MARK2: variants seen among roughly 807,000 people sequenced by gnomAD.
MARK2 encodes the protein microtubule affinity regulating kinase 2.
Under a neutral mutation model 89.8 loss-of-function variants are expected in MARK2, and 16 were observed. The observed-to-expected ratio is 0.18, with a 90% CI of 0.12 to 0.27. The LOEUF is 0.27. MARK2 is among the 10% of genes least tolerant of loss of function. The pLI, the probability that MARK2 is intolerant of heterozygous loss-of-function variation, is 1.00. For missense variants in MARK2, 621 were observed against 1,049.9 expected, an observed-to-expected ratio of 0.59 and a Z score of 5.65; for synonymous variants, 382 against 399.5, an observed-to-expected ratio of 0.96 and a Z score of 0.52.
At position 63,910,105 on chromosome 11, in the gene MARK2, C is replaced by T. The variant is rs929813949; in HGVS notation, c.*868C>T. On this transcript the variant is annotated 3_prime_UTR_variant, in exon 19 of 19. Transcript: ENST00000402010. ...AGAGGGGAGGGGACTGGAGGGCAGA[C>T]TGGCTTCTCGGTCCCCAGGGGGCCG... 5 of 152,370 alleles carry T rather than the reference C, an allele frequency of 3.3e-5. No homozygotes were observed. Among genetic ancestry groups the T allele is most frequent in the African/African-American group, 1.2e-4 (5 of 41,454 alleles). 9.4% of individuals were successfully genotyped at this position (152,370 alleles called of 1,614,324 possible).
chr11:63,881,077 G>A (rs1274951739), intron 1 of MARK2, among the ~76,000 whole-genome samples: 1 of 152,094 alleles, frequency 6.6e-6, no homozygotes, highest in Non-Finnish European at 1.5e-5. Context: ...GCCAAGGCAG[G>A]CAGATCACCT....
At chr11:63,890,264 A>G (rs764278184) in intron 1 of MARK2, 1 of 1,345,392 alleles carries the variant, frequency 7.4e-7, no homozygotes, top group South Asian at 1.2e-5. Flanking sequence ...GCTGTGGGAA[A>G]CATCTTACAG....
chr11:63,864,878 C>T (rs1163999004), intron 1 of MARK2, among the ~76,000 whole-genome samples: 1 of 151,970 alleles, frequency 6.6e-6, no homozygotes, highest in Non-Finnish European at 1.5e-5. Flanking sequence ...TTTACTTATC[C>T]AAAAGCACAA....
rs756336726 is a variant in MARK2, at chr11:63,899,749, G to C, written c.532-125G>C. Reference sequence around the variant, plus strand: ...CTGATTGAAGCCCTGCCCTGAAATTGGTGGAGAAAGTTCTGAGACTGAAGA... The same window carrying C: ...CTGATTGAAGCCCTGCCCTGAAATTCGTGGAGAAAGTTCTGAGACTGAAGA... On this transcript the variant is annotated intron_variant, in intron 7 of 18. Transcript: ENST00000402010. 22 of 719,838 alleles carry C rather than the reference G, an allele frequency of 3.1e-5. 1 individual carries two copies. The highest frequency in any genetic ancestry group is 5.0e-5 in the Non-Finnish European group (20 of 402,164). The allele number at this position is 719,838 out of a possible 1,614,324, so 44.6% of individuals were successfully genotyped here. A position where few individuals can be genotyped will look rare whatever the true frequency, so the allele number is the denominator to read the frequency against.
intron 1 of MARK2, among the ~76,000 whole-genome samples, chr11:63,865,586 T>C (rs1436920657): frequency 2.0e-5 from 3 of 152,208 alleles, no homozygotes; most frequent in Non-Finnish European, 4.4e-5. Flanking sequence ...TGGCAGTGCT[T>C]TCCTTGCTAA....
At chr11:63,905,350 C>T (rs1475397550) in intron 16 of MARK2, among the ~76,000 whole-genome samples, 1 of 152,202 alleles carries the variant, frequency 6.6e-6, no homozygotes, top group Non-Finnish European at 1.5e-5. Flanking sequence ...AAAAGCCCCC[C>T]CTTCTCTCCT....
At chr11:63,839,647 C>G in intron 1 of MARK2, 87 bp downstream of exon 1, 2 of 849,076 alleles carry the variant, frequency 2.4e-6, no homozygotes, top group Non-Finnish European at 1.9e-6. Context: ...CTCCTCGTGC[C>G]CCTGCTGCCA....
At chr11:63,841,309 GT>G in intron 1 of MARK2, among the ~76,000 whole-genome samples, 1 of 152,320 alleles carries the variant, frequency 6.6e-6, no homozygotes, top group East Asian at 1.9e-4. Flanking sequence ...TCTAGGCAGA[GT>G]TTTTCTCTGC....
chr11:63,845,206 T>C (rs2016219344), intron 1 of MARK2, among the ~76,000 whole-genome samples: 1 of 152,178 alleles, frequency 6.6e-6, no homozygotes, highest in South Asian at 2.1e-4. Context: ...TCTGCTTGGT[T>C]AAGCTGTGGA....
intron 1 of MARK2, among the ~76,000 whole-genome samples, chr11:63,845,619 T>C (rs2016239756): frequency 6.6e-6 from 1 of 152,226 alleles, no homozygotes; most frequent in Non-Finnish European, 1.5e-5. Flanking sequence ...TTCCCACTGC[T>C]GGAGAGCCAG....
At chr11:63,867,938 T>C (rs1047772315) in intron 1 of MARK2, among the ~76,000 whole-genome samples, 2 of 152,206 alleles carry the variant, frequency 1.3e-5, no homozygotes, top group Non-Finnish European at 2.9e-5. Context: ...CACACTGGAT[T>C]GTGTGATTTG....
rs1938793429 is a variant in MARK2 at position 63,876,922 on chromosome 11, C to T, written c.55-18237C>T. On this transcript the variant is annotated intron_variant, in intron 1 of 18. Transcript: ENST00000402010. ...CTTCGACCAGTGCACGAGCTAATCT[C>T]ACTGAAGAGTGCCATTCCCAGGTTC... 2.0e-5 allele frequency among the ~76,000 whole-genome samples: 3 copies of T among 152,060 alleles called. No homozygotes were observed. The South Asian group carries it at 6.2e-4, about 31-fold the overall frequency.
chr11:63,865,578 G>T (rs1027359447), intron 1 of MARK2, among the ~76,000 whole-genome samples: 1 of 152,196 alleles, frequency 6.6e-6, no homozygotes, highest in Non-Finnish European at 1.5e-5. Flanking sequence ...GGAGAGTGTG[G>T]CAGTGCTTTC....
intron 1 of MARK2, among the ~76,000 whole-genome samples, chr11:63,889,784 T>C (rs1939685898): frequency 6.6e-6 from 1 of 152,248 alleles, no homozygotes; most frequent in Admixed American, 6.5e-5. Context: ...TGACCCCTTA[T>C]TCTTTCTAAA....
chr11:63,866,652 C>A (rs1313283979), intron 1 of MARK2, among the ~76,000 whole-genome samples: 1 of 152,222 alleles, frequency 6.6e-6, no homozygotes, highest in Non-Finnish European at 1.5e-5. Flanking sequence ...AATCCACTAT[C>A]TACTGTACAG....
In MARK2 at chr11:63,909,462, C is replaced by T; in HGVS notation, c.*225C>T. 1 of 449,320 alleles carries T rather than the reference C, an allele frequency of 2.2e-6. No individual in the cohort carries two copies. Among genetic ancestry groups the T allele is most frequent in the Non-Finnish European group, 3.9e-6 (1 of 256,978 alleles). 27.8% of individuals were successfully genotyped at this position (449,320 alleles called of 1,614,324 possible). A position where few individuals can be genotyped will look rare whatever the true frequency, so the allele number is the denominator to read the frequency against. ...CCCTGCCCAGAGATTCCCCCTTCTC[C>T]TCTCCCCTACTGGAGGCAAAGGAAG... On this transcript the variant is annotated 3_prime_UTR_variant, in exon 19 of 19. Coordinates refer to ENST00000402010, the MANE Select transcript of MARK2 (RefSeq NM_001039469.3).
At chr11:63,888,855 A>T (rs1939583627) in intron 1 of MARK2, 1 of 1,315,638 alleles carries the variant, frequency 7.6e-7, no homozygotes, top group Non-Finnish European at 1.0e-6. Flanking sequence ...CCCCCGCCCT[A>T]GGCCTGGCTC....
At chr11:63,901,127 T>C in intron 11 of MARK2, 58 bp downstream of exon 11, 3 of 1,105,350 alleles carry the variant, frequency 2.7e-6, no homozygotes, top group Admixed American at 1.8e-5. Flanking sequence ...GTAGCACCTA[T>C]GCTTCTAACA....
At chr11:63,841,842 G>C (rs115526696) in intron 1 of MARK2, among the ~76,000 whole-genome samples, 1 of 152,198 alleles carries the variant, frequency 6.6e-6, no homozygotes, top group African/African-American at 2.4e-5. Context: ...CCTGTGATGT[G>C]TGTGTTGATT....
Sources: gnomAD v4.1 joint callset for allele counts (sites outside exome capture counted in the v4.1 genomes callset) on GRCh38, gnomAD v4.1.1 for gene constraint, MANE v1.5 for transcripts, NCBI Gene and HGNC (gene_info 2026-07-23, HGNC 2026-07-21) for gene names.